Variants in DLG2 observed in about 807,000 individuals in gnomAD.
DLG2 encodes disks large homolog 2.
In DLG2, 45 loss-of-function variants were observed where a neutral mutation model predicts 132.5. The ratio of observed to expected loss-of-function variants is 0.34; its 90% CI spans 0.27 to 0.44. DLG2 has a LOEUF of 0.44. DLG2 is among the 20% of genes least tolerant of loss of function. The pLI is 1.00. For synonymous variants in DLG2, 424 were observed against 419.6 expected, an observed-to-expected ratio of 1.01 and a Z score of -0.13; for missense variants, 1,045 against 1,196.9, an observed-to-expected ratio of 0.87 and a Z score of 1.87.
chr11:83,487,494 T>C (rs957000174), intron 21 of DLG2, among the ~76,000 whole-genome samples: 5 of 151,994 alleles, frequency 3.3e-5, no homozygotes, highest in African/African-American at 4.8e-5. Context: ...AGTCACACAA[T>C]TGGTGAGCAG....
rs149672264 is a variant in DLG2, at chr11:84,913,610, A to C, written c.357+198051T>G. On this transcript the variant is annotated intron_variant, in intron 6 of 27. Transcript: ENST00000376104. ...CTTATCACATAGTATGAGCAAGAAC[A>C]CATGACAAATAATACATCTTAATCC... is the stretch of plus-strand genomic sequence containing the variant. Among the ~76,000 whole-genome samples, 1,012 of 152,326 alleles carry C rather than the reference A, an allele frequency of 6.6e-3. 6 individuals are homozygous for C. The highest frequency in any genetic ancestry group is 8.9e-3 in the Non-Finnish European group (608 of 68,016).
intron 14 of DLG2, among the ~76,000 whole-genome samples, chr11:83,935,428 G>A (rs1171805307): frequency 6.6e-6 from 1 of 152,210 alleles, no homozygotes; most frequent in Admixed American, 6.5e-5. Flanking sequence ...GGCTCAACAT[G>A]TGAAATGACA....
intron 5 of DLG2, among the ~76,000 whole-genome samples, chr11:85,121,502 A>G (rs2074310098): frequency 6.6e-6 from 1 of 151,992 alleles, no homozygotes; most frequent in Non-Finnish European, 1.5e-5. Context: ...TATCAAACTG[A>G]AAAGCAGATC....
At chr11:83,702,682 G>T (rs2083169782) in intron 18 of DLG2, among the ~76,000 whole-genome samples, 1 of 152,168 alleles carries the variant, frequency 6.6e-6, no homozygotes, top group Non-Finnish European at 1.5e-5. Flanking sequence ...TTGAAACTGA[G>T]GTTGAAGACA....
At chr11:85,290,343 C>G (rs1829223) in intron 3 of DLG2, among the ~76,000 whole-genome samples, 11,328 of 152,022 alleles carry the variant, frequency 0.075, 623 homozygotes, top group Non-Finnish European at 0.12. Flanking sequence ...CTCTAATGTA[C>G]ACAAAAATTT....
At chr11:85,507,123 C>T (rs1234755498) in intron 3 of DLG2, among the ~76,000 whole-genome samples, 2 of 152,140 alleles carry the variant, frequency 1.3e-5, no homozygotes, top group East Asian at 1.9e-4. Flanking sequence ...TTAGATGGGT[C>T]TCCTGAGTAC....
intron 6 of DLG2, among the ~76,000 whole-genome samples, chr11:84,691,522 A>G (rs1414247030): frequency 6.6e-6 from 1 of 151,888 alleles, no homozygotes; most frequent in African/African-American, 2.4e-5. Flanking sequence ...GTTGGTAACT[A>G]CCAATCATTC....
intron 27 of DLG2, among the ~76,000 whole-genome samples, chr11:83,461,259 C>A (rs143591087): frequency 1.3e-5 from 2 of 151,976 alleles, no homozygotes; most frequent in Non-Finnish European, 2.9e-5. Flanking sequence ...GATCCACCCA[C>A]CTCAGCCTCC....
chr11:84,551,200 C>T (rs2099401132), intron 6 of DLG2, among the ~76,000 whole-genome samples: 1 of 152,116 alleles, frequency 6.6e-6, no homozygotes, highest in South Asian at 2.1e-4. Context: ...TTAATGTTTC[C>T]TCAAATAAGG....
chr11:85,132,647 T>G (rs1195603390), intron 5 of DLG2: 1 of 421,074 alleles, frequency 2.4e-6, no homozygotes, highest in African/African-American at 2.0e-5. Context: ...CCCAGCAAAG[T>G]AAATTATACT....
chr11:85,025,351 AAAG>A (rs1263365879), intron 6 of DLG2, among the ~76,000 whole-genome samples: 1 of 152,186 alleles, frequency 6.6e-6, no homozygotes, highest in African/African-American at 2.4e-5. Context: ...CTGTTACCAT[AAAG>A]AAGTGTTGTT....
At chr11:84,769,045 G>A (rs1182974104) in intron 6 of DLG2, among the ~76,000 whole-genome samples, 1 of 152,134 alleles carries the variant, frequency 6.6e-6, no homozygotes, top group African/African-American at 2.4e-5. Context: ...CTTCAGATGA[G>A]TAGGAATCAG....
intron 6 of DLG2, among the ~76,000 whole-genome samples, chr11:84,649,381 G>A (rs1393382676): frequency 2.0e-5 from 3 of 152,094 alleles, no homozygotes; most frequent in African/African-American, 7.2e-5. Flanking sequence ...TTTATATAAT[G>A]GGACCAACTC....
At chr11:84,874,483 G>T (rs2086006735) in intron 6 of DLG2, among the ~76,000 whole-genome samples, 1 of 152,132 alleles carries the variant, frequency 6.6e-6, no homozygotes, top group Non-Finnish European at 1.5e-5. Context: ...TAATCACCCA[G>T]CATTTTGTGG....
intron 11 of DLG2, among the ~76,000 whole-genome samples, chr11:84,000,159 C>T (rs2094269328): frequency 6.6e-6 from 1 of 151,930 alleles, no homozygotes; most frequent in Admixed American, 6.6e-5. Flanking sequence ...ACAAATTTAT[C>T]AAAGAGATAG....
intron 19 of DLG2, among the ~76,000 whole-genome samples, chr11:83,593,702 A>G (rs1377931499): frequency 6.6e-6 from 1 of 151,668 alleles, no homozygotes; most frequent in East Asian, 1.9e-4. Flanking sequence ...TAGAGAGATC[A>G]TTTCTCTCTA....
chr11:84,942,641 C>T (rs983784508), intron 6 of DLG2, among the ~76,000 whole-genome samples: 1 of 152,060 alleles, frequency 6.6e-6, no homozygotes, highest in Non-Finnish European at 1.5e-5. Context: ...CATGGCCCAA[C>T]ATATGGGCAA....
At chr11:84,111,853 A>G (rs1361145461) in intron 9 of DLG2, among the ~76,000 whole-genome samples, 2 of 152,144 alleles carry the variant, frequency 1.3e-5, no homozygotes, top group Non-Finnish European at 2.9e-5. Flanking sequence ...GGGTCCTCTC[A>G]TCCATCATTT....
At chr11:83,996,492 G>A (rs751967894) in intron 11 of DLG2, among the ~76,000 whole-genome samples, 1 of 152,164 alleles carries the variant, frequency 6.6e-6, no homozygotes, top group Non-Finnish European at 1.5e-5. Flanking sequence ...AAGCAAATCA[G>A]TATACTGAAG....
Sources: allele counts gnomAD v4.1 joint callset (sites outside exome capture counted in the v4.1 genomes callset), GRCh38; gene constraint gnomAD v4.1.1; transcripts MANE v1.5; gene names NCBI Gene and HGNC (gene_info 2026-07-23, HGNC 2026-07-21).